Variants in SAMMSON observed in about 807,000 individuals in gnomAD.
The protein encoded by SAMMSON is survival associated mitochondrial melanoma specific oncogenic non-coding RNA.
At chr3:70,075,772 G>C (rs961224209) in intron 4 of SAMMSON, among the ~76,000 whole-genome samples, 1 of 151,992 alleles carries the variant, frequency 6.6e-6, no homozygotes, top group Admixed American at 6.6e-5. Context: ...CAGTATAGTG[G>C]ATTATGTCGA....
chr3:70,362,681 CAT>C (rs1256455588), intron 9 of SAMMSON, among the ~76,000 whole-genome samples: 1 of 151,792 alleles, frequency 6.6e-6, no homozygotes, highest in Non-Finnish European at 1.5e-5. Context: ...TATGTATACA[CAT>C]GTGTATCTTT....
intron 7 of SAMMSON, among the ~76,000 whole-genome samples, chr3:70,318,478 G>A (rs1311019569): frequency 1.3e-5 from 2 of 151,794 alleles, no homozygotes; most frequent in East Asian, 3.9e-4. Context: ...GTGTGTGTGT[G>A]TGAGTGTGTG....
At chr3:70,233,834 T>G (rs1318504748) in intron 4 of SAMMSON, among the ~76,000 whole-genome samples, 1 of 152,256 alleles carries the variant, frequency 6.6e-6, no homozygotes, top group Non-Finnish European at 1.5e-5. Context: ...TTTTTTTAGC[T>G]GAGTAATATT....
At chr3:70,374,759 G>A (rs530539640) in intron 9 of SAMMSON, among the ~76,000 whole-genome samples, 3 of 152,262 alleles carry the variant, frequency 2.0e-5, no homozygotes, top group African/African-American at 7.2e-5. Flanking sequence ...TGGAAGTCTA[G>A]GCTTCACAGT....
chr3:70,171,515 C>T (rs1415494689), intron 4 of SAMMSON, among the ~76,000 whole-genome samples: 1 of 151,526 alleles, frequency 6.6e-6, no homozygotes, highest in Non-Finnish European at 1.5e-5. Flanking sequence ...TCAAAATGAG[C>T]ACTGCAAAAA....
At chr3:70,039,730 G>A (rs966242527) in intron 3 of SAMMSON, among the ~76,000 whole-genome samples, 3 of 151,498 alleles carry the variant, frequency 2.0e-5, no homozygotes, top group African/African-American at 7.3e-5. Context: ...CATCAGCCAA[G>A]GACAAGTCTT....
chr3:70,253,871 T>C (rs1432570469), intron 6 of SAMMSON, among the ~76,000 whole-genome samples: 2 of 152,184 alleles, frequency 1.3e-5, no homozygotes, highest in Non-Finnish European at 2.9e-5. Context: ...AAAAATTCTG[T>C]TCCTGGAGAT....
intron 3 of SAMMSON, among the ~76,000 whole-genome samples, chr3:70,018,354 T>G (rs2066996358): frequency 6.6e-6 from 1 of 152,194 alleles, no homozygotes; most frequent in South Asian, 2.1e-4. Flanking sequence ...CTTCTAGATT[T>G]TCTAGTTTAT....
At chr3:70,105,997 A>G (rs2067366010) in intron 4 of SAMMSON, among the ~76,000 whole-genome samples, 2 of 152,126 alleles carry the variant, frequency 1.3e-5, no homozygotes, top group African/African-American at 2.4e-5. Flanking sequence ...CCTACTCCTT[A>G]ACACTTTCTC....
intron 4 of SAMMSON, among the ~76,000 whole-genome samples, chr3:70,140,711 C>A (rs567227041): frequency 6.6e-6 from 1 of 152,264 alleles, no homozygotes; most frequent in Non-Finnish European, 1.5e-5. Flanking sequence ...TATCCAATTT[C>A]TTTGCTCACA....
intron 4 of SAMMSON, among the ~76,000 whole-genome samples, chr3:70,241,152 A>G (rs1214997706): frequency 3.3e-5 from 5 of 152,148 alleles, no homozygotes; most frequent in Admixed American, 1.3e-4. Context: ...TAAATTTATC[A>G]GTTCCTGGGA....
At chr3:70,122,812 T>C (rs2067440518) in intron 4 of SAMMSON, among the ~76,000 whole-genome samples, 1 of 152,224 alleles carries the variant, frequency 6.6e-6, no homozygotes, top group South Asian at 2.1e-4. Flanking sequence ...AACTTTTGCA[T>C]GTACTGTAAT....
intron 2 of SAMMSON, among the ~76,000 whole-genome samples, chr3:70,403,655 T>C (rs147620467): frequency 1.7e-4 from 26 of 152,342 alleles, no homozygotes; most frequent in African/African-American, 5.8e-4. Flanking sequence ...TGAGAGACTC[T>C]CTAGGCCACA....
intron 1 of SAMMSON, among the ~76,000 whole-genome samples, chr3:70,007,999 G>C (rs2066935773): frequency 6.6e-6 from 1 of 151,978 alleles, no homozygotes; most frequent in Non-Finnish European, 1.5e-5. Context: ...TGTTCCATTG[G>C]TCTATATATC....
chr3:70,151,770 T>A (rs2067573140), intron 4 of SAMMSON, among the ~76,000 whole-genome samples: 1 of 152,048 alleles, frequency 6.6e-6, no homozygotes, highest in Non-Finnish European at 1.5e-5. Context: ...TGCATAATCA[T>A]TCAGTTTTAT....
At chr3:70,174,370 G>A (rs1700993410) in intron 4 of SAMMSON, among the ~76,000 whole-genome samples, 1 of 151,976 alleles carries the variant, frequency 6.6e-6, no homozygotes, top group Non-Finnish European at 1.5e-5. Context: ...TGGTTAAATA[G>A]GGAGTGAAGT....
intron 4 of SAMMSON, among the ~76,000 whole-genome samples, chr3:70,198,516 T>C (rs1388597045): frequency 6.6e-6 from 1 of 152,232 alleles, no homozygotes; most frequent in Non-Finnish European, 1.5e-5. Context: ...CTTTGGTTTC[T>C]TGTAAAAACA....
chr3:70,244,192 A>G (rs1701684585), intron 4 of SAMMSON, among the ~76,000 whole-genome samples: 1 of 152,204 alleles, frequency 6.6e-6, no homozygotes, highest in Non-Finnish European at 1.5e-5. Flanking sequence ...GCTGAGGACC[A>G]ATTTTAACAA....
At chr3:70,301,917 A>G (rs1177989947) in intron 7 of SAMMSON, among the ~76,000 whole-genome samples, 1 of 152,154 alleles carries the variant, frequency 6.6e-6, no homozygotes, top group Non-Finnish European at 1.5e-5. Flanking sequence ...GTTAAAATGC[A>G]GATTTTCTTC....
Sources: allele counts gnomAD v4.1 joint callset (sites outside exome capture counted in the v4.1 genomes callset), GRCh38; gene constraint gnomAD v4.1.1; transcripts MANE v1.5; gene names NCBI Gene and HGNC (gene_info 2026-07-23, HGNC 2026-07-21).